PIP4K2A: variants seen among roughly 807,000 people sequenced by gnomAD.
PIP4K2A encodes phosphatidylinositol-5-phosphate 4-kinase type 2 alpha, also known as phosphatidylinositol 5-phosphate 4-kinase type-2 alpha.
PIP4K2A carries 14 observed loss-of-function variants against 42.9 expected under a neutral mutation model. That is an observed-to-expected ratio of 0.33 (90% CI 0.22 to 0.51). The LOEUF (loss-of-function observed/expected upper bound fraction) is 0.51. PIP4K2A is among the 20% of genes least tolerant of loss of function. The pLI, the probability that PIP4K2A is intolerant of heterozygous loss-of-function variation, is 0.97. For missense variants in PIP4K2A, 434 were observed against 519.8 expected, an observed-to-expected ratio of 0.83 and a Z score of 1.61; for synonymous variants, 192 against 192.2, an observed-to-expected ratio of 1.00 and a Z score of 0.01.
intron 1 of PIP4K2A, among the ~76,000 whole-genome samples, chr10:22,674,653 A>G (rs185710576): frequency 4.9e-4 from 75 of 152,202 alleles, no homozygotes; most frequent in Non-Finnish European, 8.5e-4. Flanking sequence ...TTTACTAAGA[A>G]ATTTCCAGCC....
intron 6 of PIP4K2A, among the ~76,000 whole-genome samples, chr10:22,556,161 G>A (rs1836539880): frequency 6.6e-6 from 1 of 152,136 alleles, no homozygotes. Flanking sequence ...ATACATGAGG[G>A]CAAAGTTAGT....
chr10:22,542,059 G>C lies in PIP4K2A; in HGVS notation c.793-12C>G, dbSNP rs759547561. 6.3e-7 allele frequency: 1 copy of C among 1,598,812 alleles called. No homozygotes were observed. Among genetic ancestry groups the C allele is most frequent in the Admixed American group, 1.7e-5 (1 of 58,214 alleles). ...AGCTGGGCCAGAAACTGGGGACAGA[G>C]GCAACAGGGTGAGTCAGCCACACCT... On this transcript the variant is annotated splice_polypyrimidine_tract_variant and intron_variant, in intron 7 of 9. Transcript: ENST00000376573.
chr10:22,708,499 C>T lies in PIP4K2A; in HGVS notation c.144+5684G>A, dbSNP rs190139714. ...TACTGTAACTGCAGGATCCACCCAC[C>T]ACCATCACCTGCAATTCCACATTCT... On this transcript the variant is annotated intron_variant, in intron 1 of 9. Coordinates refer to ENST00000376573, the MANE Select transcript of PIP4K2A (RefSeq NM_005028.5). Among the ~76,000 whole-genome samples the T allele has an allele frequency of 2.2e-4, 34 of 152,308 alleles. 1 individual carries two copies. The East Asian group carries it at 6.4e-3, about 28-fold the overall frequency.
At chr10:22,703,695 T>A (rs1030466630) in intron 1 of PIP4K2A, among the ~76,000 whole-genome samples, 28 of 152,178 alleles carry the variant, frequency 1.8e-4, no homozygotes, top group African/African-American at 6.3e-4. Flanking sequence ...TCATCTACAG[T>A]TTAGCAAGAT....
At chr10:22,627,591 T>TAAATAAAAAAAAAAAA in intron 1 of PIP4K2A, among the ~76,000 whole-genome samples, 1 of 57,032 alleles carries the variant, frequency 1.8e-5, no homozygotes, top group South Asian at 8.3e-4. Context: ...TAATATGTAA[T>TAAATAAAAAAAAAAAA]AAAAAAAAAA....
At chr10:22,637,039 A>C (rs1186147446) in intron 1 of PIP4K2A, among the ~76,000 whole-genome samples, 1 of 152,256 alleles carries the variant, frequency 6.6e-6, no homozygotes, top group Non-Finnish European at 1.5e-5. Flanking sequence ...TTTTAGGCCA[A>C]TTATACATTA....
At chr10:22,664,154 CATATATATATATACAT>C (rs1218661120) in intron 1 of PIP4K2A, among the ~76,000 whole-genome samples, 3 of 62,310 alleles carry the variant, frequency 4.8e-5, no homozygotes, top group African/African-American at 1.2e-4. Flanking sequence ...TATATATACA[CATATATATATATACAT>C]ATATATATAT....
chr10:22,546,812 CAG>C (rs986966293), intron 7 of PIP4K2A, among the ~76,000 whole-genome samples: 2 of 152,178 alleles, frequency 1.3e-5, no homozygotes, highest in African/African-American at 2.4e-5. Flanking sequence ...AAAGAGAAGA[CAG>C]AAAGGGGGCG....
At chr10:22,635,093 G>A (rs1838634678) in intron 1 of PIP4K2A, among the ~76,000 whole-genome samples, 1 of 152,110 alleles carries the variant, frequency 6.6e-6, no homozygotes, top group African/African-American at 2.4e-5. Context: ...GGGGGAGGGA[G>A]GGAGGCAGAG....
At chr10:22,627,231 C>T (rs992326828) in intron 1 of PIP4K2A, among the ~76,000 whole-genome samples, 2 of 152,138 alleles carry the variant, frequency 1.3e-5, no homozygotes, top group Non-Finnish European at 2.9e-5. Flanking sequence ...TTAATCCAGG[C>T]AGTTCTCACT....
intron 4 of PIP4K2A, among the ~76,000 whole-genome samples, chr10:22,588,341 G>A (rs1837443982): frequency 6.6e-6 from 1 of 152,128 alleles, no homozygotes; most frequent in South Asian, 2.1e-4. Flanking sequence ...TGGCAAGGAT[G>A]TTGTTTTATC....
intron 1 of PIP4K2A, among the ~76,000 whole-genome samples, chr10:22,683,815 T>C (rs1839709092): frequency 6.7e-6 from 1 of 150,238 alleles, no homozygotes; most frequent in African/African-American, 2.5e-5. Flanking sequence ...GTCTCTCTTG[T>C]AGCTTTCCTA....
chr10:22,710,454 G>A (rs899246210), intron 1 of PIP4K2A, among the ~76,000 whole-genome samples: 1 of 152,250 alleles, frequency 6.6e-6, no homozygotes. Flanking sequence ...TCCTTCCACG[G>A]TATTTTTATA....
At position 22,683,835 on chromosome 10, in the gene PIP4K2A, T is replaced by TCACACA. The variant is rs138327782; in HGVS notation, c.144+30342_144+30347dup. Among the ~76,000 whole-genome samples the TCACACA allele has an allele frequency of 9.6e-3, 1,340 of 139,376 alleles. 18 individuals are homozygous for TCACACA. Among genetic ancestry groups the TCACACA allele is most frequent in the Middle Eastern group, 0.028 (8 of 282 alleles). 91.4% of individuals were successfully genotyped at this position (139,376 alleles called of 152,430 possible). ...TCTTGTAGCTTTCCTACCAAGCAGT[T>TCACACA]CACACACACACACACACACACACAC... On this transcript the variant is annotated intron_variant, in intron 1 of 9. Transcript: ENST00000376573.
intron 1 of PIP4K2A, among the ~76,000 whole-genome samples, chr10:22,682,591 G>C (rs537519267): frequency 3.3e-5 from 5 of 152,134 alleles, no homozygotes; most frequent in Non-Finnish European, 7.3e-5. Flanking sequence ...AGTACACAAA[G>C]AACAAACCAC....
intron 5 of PIP4K2A, among the ~76,000 whole-genome samples, chr10:22,571,498 G>A (rs1229953066): frequency 6.6e-6 from 1 of 152,234 alleles, no homozygotes; most frequent in Non-Finnish European, 1.5e-5. Flanking sequence ...ATAATGAAAT[G>A]TGTCAATATT....
intron 9 of PIP4K2A, among the ~76,000 whole-genome samples, chr10:22,537,669 AGAATGACATCAAC>A (rs763704053): frequency 1.4e-4 from 22 of 152,346 alleles, no homozygotes; most frequent in Non-Finnish European, 2.8e-4. Context: ...AGCCACCTTG[AGAATGACATCAAC>A]ATTTGGCGAA....
At chr10:22,683,503 A>G (rs548016143) in intron 1 of PIP4K2A, among the ~76,000 whole-genome samples, 2 of 152,288 alleles carry the variant, frequency 1.3e-5, no homozygotes, top group East Asian at 3.9e-4. Context: ...AATGTGAATA[A>G]TGACTTGTCC....
chr10:22,677,414 G>A (rs986441447), intron 1 of PIP4K2A, among the ~76,000 whole-genome samples: 2 of 152,152 alleles, frequency 1.3e-5, no homozygotes, highest in African/African-American at 4.8e-5. Context: ...TAGTTATGAG[G>A]AGACCCCAAG....
Sources: gnomAD v4.1 joint callset for allele counts (sites outside exome capture counted in the v4.1 genomes callset) on GRCh38, gnomAD v4.1.1 for gene constraint, MANE v1.5 for transcripts, NCBI Gene and HGNC (gene_info 2026-07-23, HGNC 2026-07-21) for gene names.